Variants in ARHGAP29 observed in about 807,000 individuals in gnomAD.
ARHGAP29 encodes the protein rho GTPase-activating protein 29.
In ARHGAP29, 43 loss-of-function variants were observed where a neutral mutation model predicts 122.6. The ratio of observed to expected loss-of-function variants is 0.35; its 90% CI spans 0.27 to 0.45. ARHGAP29 has a LOEUF of 0.45. Ranked by LOEUF, ARHGAP29 falls within the 20% of genes least tolerant of loss-of-function variation. The pLI, the probability that ARHGAP29 is intolerant of heterozygous loss-of-function variation, is 1.00. For missense variants in ARHGAP29, 1,303 were observed against 1,477.2 expected, an observed-to-expected ratio of 0.88 and a Z score of 1.93; for synonymous variants, 506 against 497.1, an observed-to-expected ratio of 1.02 and a Z score of -0.24.
the ARHGAP29 span, among the ~76,000 whole-genome samples, chr1:94,304,877 T>A: frequency 6.6e-6 from 1 of 152,210 alleles, no homozygotes; most frequent in East Asian, 1.9e-4. Flanking sequence ...CTAGTCAGCA[T>A]GGAAATGAAA....
At chr1:94,243,341 C>G (rs1458736941) in intron 1 of ARHGAP29, among the ~76,000 whole-genome samples, 1 of 152,008 alleles carries the variant, frequency 6.6e-6, no homozygotes, top group Non-Finnish European at 1.5e-5. Flanking sequence ...TGAAATCACA[C>G]AGTGTATGTC....
chr1:94,311,624 G>T, the ARHGAP29 span, among the ~76,000 whole-genome samples: 1 of 152,088 alleles, frequency 6.6e-6, no homozygotes, highest in Non-Finnish European at 1.5e-5. Context: ...CAAACCCTTC[G>T]TGCTGCCTGG....
intron 2 of ARHGAP29, among the ~76,000 whole-genome samples, chr1:94,226,113 A>G (rs1273155804): frequency 1.3e-5 from 2 of 152,028 alleles, no homozygotes; most frequent in African/African-American, 4.8e-5. Flanking sequence ...AAAACTGACA[A>G]TAATTTGAAA....
In ARHGAP29 at chr1:94,184,144, T is replaced by C. The variant is rs1649648727; in HGVS notation, c.2247+7A>G. The C allele has an allele frequency of 1.2e-6, 2 of 1,601,908 alleles. No homozygotes were observed. The highest frequency in any genetic ancestry group is 8.5e-7 in the Non-Finnish European group (1 of 1,177,082). Reference sequence around the variant, plus strand: ...TAATGGTGGGTTTCAAGGGTAAAAATTTTTACCTGCCGAAGGTATAATTTC... The same window carrying C: ...TAATGGTGGGTTTCAAGGGTAAAAACTTTTACCTGCCGAAGGTATAATTTC... On this transcript the variant is annotated splice_region_variant and intron_variant, in intron 19 of 22. Coordinates refer to ENST00000260526, the MANE Select transcript of ARHGAP29 (RefSeq NM_004815.4).
intron 3 of ARHGAP29, among the ~76,000 whole-genome samples, chr1:94,214,784 A>G (rs757553076): frequency 6.6e-6 from 1 of 152,188 alleles, no homozygotes; most frequent in Non-Finnish European, 1.5e-5. Flanking sequence ...TCTCTTCAAG[A>G]AATCACCTGA....
the ARHGAP29 span, among the ~76,000 whole-genome samples, chr1:94,297,008 T>G: frequency 2.6e-5 from 4 of 152,250 alleles, no homozygotes; most frequent in East Asian, 5.8e-4. Flanking sequence ...AGGATGAGAA[T>G]GGTGAAAGTT....
chr1:94,202,120 T>C (rs1232466146), intron 11 of ARHGAP29: 5 of 435,688 alleles, frequency 1.1e-5, no homozygotes, highest in Non-Finnish European at 1.6e-5. Context: ...ATTTACTATA[T>C]TCCATATAAT....
the ARHGAP29 span, among the ~76,000 whole-genome samples, chr1:94,286,691 G>T: frequency 6.6e-6 from 1 of 152,076 alleles, no homozygotes; most frequent in South Asian, 2.1e-4. Context: ...TTTTAAAAGT[G>T]AGGTCAGAAG....
chr1:94,276,140 C>T (rs1570636041), upstream of ARHGAP29, among the ~76,000 whole-genome samples: 1 of 152,048 alleles, frequency 6.6e-6, no homozygotes. Context: ...TGCCTGTAAT[C>T]TCAGCTACTT....
chr1:94,196,256 C>CTTT (rs917635883), intron 12 of ARHGAP29, among the ~76,000 whole-genome samples: 1,733 of 90,940 alleles, frequency 0.019, 12 homozygotes, highest in Non-Finnish European at 0.022. Context: ...CCGTGTTTTT[C>CTTT]TTTTTTTTTT....
At chr1:94,241,075 C>T (rs1423491222), upstream of ARHGAP29, among the ~76,000 whole-genome samples, 2 of 152,088 alleles carry the variant, frequency 1.3e-5, no homozygotes, top group Non-Finnish European at 2.9e-5. Flanking sequence ...CATAGGACTA[C>T]CCTCATCCCC....
rs1000251795 is a variant in ARHGAP29, at chr1:94,170,803, T to C, written c.*3066A>G. ...AATGCTTCCTGACATGGTCTAACAT[T>C]TTCTCCATCAAGATCTTGTACATCT... is the stretch of plus-strand genomic sequence containing the variant. On this transcript the variant is annotated 3_prime_UTR_variant, in exon 23 of 23. Transcript: ENST00000260526. 1.3e-5 allele frequency among the ~76,000 whole-genome samples: 2 copies of C among 152,200 alleles called. No individual in the cohort carries two copies. The highest frequency in any genetic ancestry group is 1.5e-5 in the Non-Finnish European group (1 of 68,024).
chr1:94,285,165 G>A, the ARHGAP29 span, among the ~76,000 whole-genome samples: 307 of 152,194 alleles, frequency 2.0e-3, 1 homozygote, highest in African/African-American at 7.0e-3. Context: ...AGTGAGAGTC[G>A]CACATTCACA....
rs769177167 is a variant in ARHGAP29 at position 94,179,894 on chromosome 1, G to T, written c.2311C>A (p.Gln771Lys). 49 of 1,612,696 alleles carry T rather than the reference G, an allele frequency of 3.0e-5. No homozygotes were observed. The South Asian group carries it at 5.2e-4, about 17-fold the overall frequency. Residue 771 changes from glutamine to lysine, a missense_variant, in exon 20 of 23, where the codon CAA (glutamine) becomes AAA (lysine). Coordinates refer to ENST00000260526, the MANE Select transcript of ARHGAP29 (RefSeq NM_004815.4). The stretch of plus-strand genomic sequence containing the variant: ...GTCTCTTGTTCTTCATTTACATGTT[G>T]GATCTCTTTTGCAAGGTCTATAAAT... Reference protein sequence around the residue: ...KEFIDLAKEIQHVNEEQETKK... With the variant: ...KEFIDLAKEIKHVNEEQETKK...
At chr1:94,312,201 C>T in the ARHGAP29 span, among the ~76,000 whole-genome samples, 1 of 152,114 alleles carries the variant, frequency 6.6e-6, no homozygotes, top group Admixed American at 6.5e-5. Flanking sequence ...GCTTTCCTCC[C>T]CATCCTTCCA....
chr1:94,286,676 A>T, the ARHGAP29 span, among the ~76,000 whole-genome samples: 1 of 152,174 alleles, frequency 6.6e-6, no homozygotes, highest in African/African-American at 2.4e-5. Flanking sequence ...TCAAAAATAA[A>T]TAAATTTTAA....
intron 1 of ARHGAP29, among the ~76,000 whole-genome samples, chr1:94,237,127 TTTAA>T (rs1653326591): frequency 2.0e-5 from 3 of 152,326 alleles, no homozygotes; most frequent in East Asian, 1.9e-4. Flanking sequence ...GTGTGCTAAC[TTTAA>T]TTACGATCGT....
chr1:94,293,851 T>C, the ARHGAP29 span, among the ~76,000 whole-genome samples: 7 of 152,250 alleles, frequency 4.6e-5, 1 homozygote, highest in African/African-American at 1.7e-4. Context: ...CTTCATTACA[T>C]AGGCATGATT....
the ARHGAP29 span, among the ~76,000 whole-genome samples, chr1:94,313,074 C>T: frequency 6.6e-6 from 1 of 152,164 alleles, no homozygotes; most frequent in Non-Finnish European, 1.5e-5. Flanking sequence ...ACCCATGTGT[C>T]AAAACTTGAA....
Sources: allele counts gnomAD v4.1 joint callset (sites outside exome capture counted in the v4.1 genomes callset), GRCh38; gene constraint gnomAD v4.1.1; transcripts MANE v1.5; gene names NCBI Gene and HGNC (gene_info 2026-07-23, HGNC 2026-07-21).